SOX6: variants seen among roughly 807,000 people sequenced by gnomAD.
SOX6 encodes the protein SRY-box transcription factor 6.
In SOX6, 11 loss-of-function variants were observed where a neutral mutation model predicts 97.8. The ratio of observed to expected loss-of-function variants is 0.11; its 90% CI spans 0.07 to 0.19. SOX6 has a LOEUF of 0.19. Ranked by LOEUF, SOX6 falls within the 10% of genes least tolerant of loss-of-function variation. SOX6 has a pLI of 1.00. For missense variants in SOX6, 810 were observed against 1,039.5 expected, an observed-to-expected ratio of 0.78 and a Z score of 3.04; for synonymous variants, 360 against 371.4, an observed-to-expected ratio of 0.97 and a Z score of 0.35.
At chr11:16,411,245 G>A (rs1370126142) in intron 1 of SOX6, among the ~76,000 whole-genome samples, 4 of 152,128 alleles carry the variant, frequency 2.6e-5, no homozygotes, top group Admixed American at 6.5e-5. Context: ...TGTTGTCTGC[G>A]AGGACTTTCA....
chr11:16,167,067 G>A (rs903478601), intron 6 of SOX6, among the ~76,000 whole-genome samples: 1 of 152,084 alleles, frequency 6.6e-6, no homozygotes, highest in Non-Finnish European at 1.5e-5. Flanking sequence ...ATGTCCTACT[G>A]CTTACTCAAT....
chr11:16,121,679 G>GA (rs1454342666), intron 6 of SOX6, among the ~76,000 whole-genome samples: 2 of 151,962 alleles, frequency 1.3e-5, no homozygotes, highest in African/African-American at 2.4e-5. Context: ...CTACACCCCA[G>GA]AAAAAAATTG....
At position 16,466,918 on chromosome 11, in the gene SOX6, G is replaced by A. The variant is rs867087953; in HGVS notation, c.-5+9397C>T. Among the ~76,000 whole-genome samples the A allele has an allele frequency of 3.9e-3, 435 of 110,806 alleles. 3 individuals carry two copies. Among genetic ancestry groups the A allele is most frequent in the African/African-American group, 0.013 (373 of 28,490 alleles). 72.7% of individuals were successfully genotyped at this position (110,806 alleles called of 152,430 possible). A position where few individuals can be genotyped will look rare whatever the true frequency, so the allele number is the denominator to read the frequency against. On this transcript the variant is annotated intron_variant, in intron 1 of 15. Coordinates refer to the SOX6 transcript ENST00000396356. ...TGCACTCCAGCCTGGGCGACAGAGC[G>A]AGACTCCGTCTCAAAAAAAAAAAAA...
At chr11:16,092,315 T>C (rs1265131900) in intron 9 of SOX6, among the ~76,000 whole-genome samples, 1 of 151,940 alleles carries the variant, frequency 6.6e-6, no homozygotes, top group Non-Finnish European at 1.5e-5. Flanking sequence ...AACCCTATTA[T>C]TTGATGCTAA....
At chr11:16,413,102 T>C (rs1475375892) in intron 1 of SOX6, among the ~76,000 whole-genome samples, 1 of 152,160 alleles carries the variant, frequency 6.6e-6, no homozygotes, top group Non-Finnish European at 1.5e-5. Context: ...GTGAGGTAAC[T>C]TCAGAGGAAA....
chr11:16,365,784 C>T (rs1050473056), intron 1 of SOX6, among the ~76,000 whole-genome samples: 2 of 152,096 alleles, frequency 1.3e-5, no homozygotes, highest in East Asian at 1.9e-4. Context: ...ATCCTGTTGA[C>T]GATGTTCATG....
intron 1 of SOX6, among the ~76,000 whole-genome samples, chr11:16,737,219 T>C (rs183309842): frequency 2.1e-3 from 319 of 152,320 alleles, no homozygotes; most frequent in Admixed American, 5.6e-3. Context: ...TTTATTTATT[T>C]ATTTAGAGAC....
chr11:16,286,512 C>T, intron 3 of SOX6, among the ~76,000 whole-genome samples: 1 of 152,090 alleles, frequency 6.6e-6, no homozygotes, highest in Non-Finnish European at 1.5e-5. Flanking sequence ...TATGCTCTCT[C>T]TATATAGCAT....
chr11:16,454,932 T>C (rs1040979431), intron 1 of SOX6, among the ~76,000 whole-genome samples: 3 of 152,060 alleles, frequency 2.0e-5, no homozygotes, highest in African/African-American at 7.2e-5. Context: ...AGTGCTAAAC[T>C]TTTTTCCCTT....
In SOX6 at chr11:16,096,244, A is replaced by C; in HGVS notation, c.979-126T>G. ...CAAAAAATAGAAAGTAGAAAGTTTA[A>C]GACTCAGTTTCTTTCTTTTACAGAA... On this transcript the variant is annotated intron_variant, in intron 8 of 15. Coordinates refer to ENST00000683767, the MANE Select transcript of SOX6 (RefSeq NM_001367873.1). 13 of 1,184,236 alleles carry C rather than the reference A, an allele frequency of 1.1e-5. 1 individual carries two copies. The South Asian group carries it at 1.8e-4, about 16-fold the overall frequency. The allele number at this position is 1,184,236 out of a possible 1,614,324, so 73.4% of individuals were successfully genotyped here.
Position 16,730,896 on chromosome 11 carries a change from TA to T in SOX6, n.353+5442del, listed in dbSNP as rs781735885. The stretch of plus-strand genomic sequence containing the variant: ...AGAGAGAAGAATCGAATAGACACAA[TA>T]AAAAATGATAAAGGGGATATCACCA... On this transcript the variant is annotated intron_variant and non_coding_transcript_variant, in intron 2 of 5. Coordinates refer to the SOX6 transcript ENST00000524520. 6.7e-4 allele frequency among the ~76,000 whole-genome samples: 101 copies of T among 151,760 alleles called. 2 individuals are homozygous for T. The highest frequency in any genetic ancestry group is 1.0e-3 in the Non-Finnish European group (69 of 67,910).
chr11:16,128,653 G>A (rs1249379712), intron 6 of SOX6, among the ~76,000 whole-genome samples: 1 of 152,082 alleles, frequency 6.6e-6, no homozygotes, highest in East Asian at 1.9e-4. Context: ...AGAAGCTCTA[G>A]TGAGCTTTTT....
chr11:16,467,875 A>G (rs2133112769), intron 1 of SOX6, among the ~76,000 whole-genome samples: 1 of 152,350 alleles, frequency 6.6e-6, no homozygotes, highest in South Asian at 2.1e-4. Context: ...TAGTGTATTT[A>G]TTGACACTTC....
intron 1 of SOX6, among the ~76,000 whole-genome samples, chr11:16,412,647 T>C (rs1858845114): frequency 6.6e-6 from 1 of 152,192 alleles, no homozygotes; most frequent in South Asian, 2.1e-4. Context: ...AAACAAAAAA[T>C]AATTTATTGG....
chr11:16,626,893 C>T (rs1848630817), intron 3 of SOX6, among the ~76,000 whole-genome samples: 1 of 152,096 alleles, frequency 6.6e-6, no homozygotes, highest in Admixed American at 6.6e-5. Context: ...CTGCGTGATG[C>T]TGAGGTTTGG....
intron 6 of SOX6, among the ~76,000 whole-genome samples, chr11:16,126,029 A>G (rs1336987320): frequency 6.6e-6 from 1 of 152,132 alleles, no homozygotes; most frequent in Non-Finnish European, 1.5e-5. Flanking sequence ...ATTACAGAAC[A>G]TATATTTAAC....
chr11:16,193,988 C>T (rs1042491692), intron 4 of SOX6, among the ~76,000 whole-genome samples: 1 of 152,150 alleles, frequency 6.6e-6, no homozygotes, highest in South Asian at 2.1e-4. Flanking sequence ...TTAGCATTGG[C>T]CGTTTTGGAT....
At chr11:16,479,678 T>C (rs969023791), upstream of SOX6, among the ~76,000 whole-genome samples, 1 of 152,200 alleles carries the variant, frequency 6.6e-6, no homozygotes. Flanking sequence ...TCACTCATAA[T>C]ATTGGCAAAA....
intron 3 of SOX6, among the ~76,000 whole-genome samples, chr11:16,623,525 A>C (rs1044910688): frequency 6.6e-6 from 1 of 151,936 alleles, no homozygotes; most frequent in Non-Finnish European, 1.5e-5. Flanking sequence ...TGTTTACCCC[A>C]CTGATTGTGT....
Sources: allele counts gnomAD v4.1 joint callset (sites outside exome capture counted in the v4.1 genomes callset), GRCh38; gene constraint gnomAD v4.1.1; transcripts MANE v1.5; gene names NCBI Gene and HGNC (gene_info 2026-07-23, HGNC 2026-07-21).